Variants in SETBP1 observed in about 807,000 individuals in gnomAD.
The protein encoded by SETBP1 is SET binding protein 1.
Under a neutral mutation model 101.0 loss-of-function variants are expected in SETBP1, and 9 were observed. That is an observed-to-expected ratio of 0.09 (90% CI 0.05 to 0.16). The LOEUF is 0.16. Among genes scored for constraint, SETBP1 ranks in the 10% least tolerant of loss-of-function variants. The probability of loss-of-function intolerance (pLI) is 1.00; values close to 1 mark genes in which losing one functional copy is unlikely to be tolerated. For missense variants in SETBP1, 1,858 were observed against 2,033.8 expected (o/e 0.91, Z 1.66); for synonymous variants, 818 against 788.5 (o/e 1.04, Z -0.63).
At position 44,877,261 on chromosome 18, in the gene SETBP1, G is replaced by A. The variant is rs1021611344; in HGVS notation, c.540+7978G>A. The A allele has an allele frequency of 1.5e-5, 10 of 649,938 alleles. No homozygotes were observed. The African/African-American group carries it at 1.6e-4, about 10-fold the overall frequency. The allele number at this position is 649,938 out of a possible 1,614,324, so 40.3% of individuals were successfully genotyped here. The stretch of plus-strand genomic sequence containing the variant: ...TCCAAGCATGTGATTGTTTTCCTAC[G>A]GATTTGTCTTATAGTATTTTACCAA... On this transcript the variant is annotated intron_variant, in intron 3 of 5. Coordinates refer to ENST00000649279, the MANE Select transcript of SETBP1 (RefSeq NM_015559.3).
chr18:44,950,158 C>T lies in SETBP1; in HGVS notation c.818C>T (p.Thr273Met), dbSNP rs748537549. ...GGTAAGAAAGGCAGTGCAGGGAACA[C>T]GTGGAGTCAGTTGTCTAACAATAAC... ...AQGKKGSAGN[T>M]WSQLSNNNKD... Residue 273 changes from threonine to methionine, a missense_variant, in exon 4 of 6, where the codon ACG becomes ATG. Thr to Met is a moderately conservative substitution (Grantham distance 81). Around this residue, in one of 12 missense-constraint regions of SETBP1, gnomAD observed 581 missense variants for 535.1 expected, o/e 1.09. Coordinates refer to ENST00000649279, the MANE Select transcript of SETBP1 (RefSeq NM_015559.3). 8 of 1,613,820 alleles carry T rather than the reference C, an allele frequency of 5.0e-6. No homozygotes were observed. Among genetic ancestry groups the T allele is most frequent in the East Asian group, 2.2e-5 (1 of 44,870 alleles).
chr18:44,758,445 C>G (rs370430738), intron 2 of SETBP1, among the ~76,000 whole-genome samples: 4 of 150,568 alleles, frequency 2.7e-5, no homozygotes, highest in Non-Finnish European at 5.9e-5. Flanking sequence ...TGCAGTGGTG[C>G]GATCTCAGCT....
At chr18:44,856,257 C>G (rs1023360534) in intron 2 of SETBP1, among the ~76,000 whole-genome samples, 5 of 152,162 alleles carry the variant, frequency 3.3e-5, no homozygotes, top group South Asian at 4.1e-4. Context: ...GCCACTTCCC[C>G]AAAGTGCTCA....
intron 2 of SETBP1, among the ~76,000 whole-genome samples, chr18:44,842,227 G>A (rs2072631664): frequency 6.6e-6 from 1 of 152,222 alleles, no homozygotes. Context: ...GGCTTCCCGT[G>A]CTTGCCCCAG....
At chr18:44,984,713 T>G (rs986589822) in intron 4 of SETBP1, among the ~76,000 whole-genome samples, 4 of 152,230 alleles carry the variant, frequency 2.6e-5, no homozygotes, top group African/African-American at 9.6e-5. Flanking sequence ...TTGCCTGACA[T>G]GTAAGAGGCA....
At chr18:44,704,609 G>C (rs2069180496) in intron 2 of SETBP1, among the ~76,000 whole-genome samples, 1 of 152,146 alleles carries the variant, frequency 6.6e-6, no homozygotes, top group African/African-American at 2.4e-5. Context: ...GATCTCTATG[G>C]GATGAGAATG....
intron 3 of SETBP1, among the ~76,000 whole-genome samples, chr18:44,917,908 G>T (rs2070477874): frequency 6.6e-6 from 1 of 152,090 alleles, no homozygotes; most frequent in East Asian, 1.9e-4. Context: ...GGGAAAGGAA[G>T]CCCTGAGCAT....
At chr18:44,990,917 C>A in intron 4 of SETBP1, among the ~76,000 whole-genome samples, 1 of 116,418 alleles carries the variant, frequency 8.6e-6, no homozygotes. Context: ...TACAAACCAT[C>A]AGAGAGAGAG....
At chr18:44,763,798 G>A (rs748560324) in intron 2 of SETBP1, among the ~76,000 whole-genome samples, 7 of 152,142 alleles carry the variant, frequency 4.6e-5, no homozygotes, top group Non-Finnish European at 7.4e-5. Context: ...CTGGGACACC[G>A]CTCTTTATTC....
In SETBP1 at chr18:44,866,718, G is replaced by A. The variant is rs186230954; in HGVS notation, c.487-2512G>A. Among the ~76,000 whole-genome samples, 490 of 152,278 alleles carry A rather than the reference G, an allele frequency of 3.2e-3. 9 individuals carry two copies. The highest frequency in any genetic ancestry group is 0.03 in the Admixed American group (459 of 15,302). On this transcript the variant is annotated intron_variant, in intron 2 of 5. Coordinates refer to ENST00000649279, the MANE Select transcript of SETBP1 (RefSeq NM_015559.3). Reference sequence around the variant, plus strand: ...TCCTGCACAGGTCACTCTCATGCCCGTACCTCATCCCAGCCTTTTATTTTC... The same window carrying A: ...TCCTGCACAGGTCACTCTCATGCCCATACCTCATCCCAGCCTTTTATTTTC...
chr18:45,008,065 A>G (rs779050844), intron 4 of SETBP1, among the ~76,000 whole-genome samples: 5 of 152,202 alleles, frequency 3.3e-5, no homozygotes, highest in Non-Finnish European at 7.3e-5. Context: ...TTCCAAAGAA[A>G]TCAACAGCCC....
intron 2 of SETBP1, among the ~76,000 whole-genome samples, chr18:44,826,525 G>A (rs567567492): frequency 6.6e-6 from 1 of 152,308 alleles, no homozygotes; most frequent in African/African-American, 2.4e-5. Flanking sequence ...GAGTCCCAGG[G>A]TGAGAGAGTT....
intron 3 of SETBP1, among the ~76,000 whole-genome samples, chr18:44,896,313 A>G (rs983196123): frequency 6.6e-6 from 1 of 152,174 alleles, no homozygotes; most frequent in Non-Finnish European, 1.5e-5. Flanking sequence ...CAGCTTCTCT[A>G]TTTCTGAACA....
chr18:45,011,922 C>T lies in SETBP1; in HGVS notation c.4001-26563C>T, dbSNP rs149503865. Among the ~76,000 whole-genome samples the T allele has an allele frequency of 2.4e-3, 369 of 152,010 alleles. 1 individual carries two copies. Among genetic ancestry groups the T allele is most frequent in the Non-Finnish European group, 3.0e-3 (201 of 67,980 alleles). ...TGGTAGCTCTTATTGCTGTGGTTGT[C>T]GATGATGTTGTTAGAAACTCTAGAG... is the stretch of plus-strand genomic sequence containing the variant. On this transcript the variant is annotated intron_variant, in intron 4 of 5. Coordinates refer to ENST00000649279, the MANE Select transcript of SETBP1 (RefSeq NM_015559.3).
chr18:45,036,219 G>C (rs2073393560), intron 4 of SETBP1, among the ~76,000 whole-genome samples: 1 of 151,702 alleles, frequency 6.6e-6, no homozygotes, highest in Non-Finnish European at 1.5e-5. Context: ...TGTAGTCCCA[G>C]CTACTCGGGA....
chr18:44,927,277 C>T, intron 3 of SETBP1, among the ~76,000 whole-genome samples: 1 of 152,136 alleles, frequency 6.6e-6, no homozygotes, highest in East Asian at 1.9e-4. Context: ...CCTAATGTAG[C>T]TCTGCAGCCT....
intron 2 of SETBP1, among the ~76,000 whole-genome samples, chr18:44,780,274 C>A (rs1206220507): frequency 6.6e-6 from 1 of 152,196 alleles, no homozygotes; most frequent in Non-Finnish European, 1.5e-5. Flanking sequence ...AGGAAACATA[C>A]AGCTGGGCTT....
At chr18:44,930,769 G>A (rs1275071132) in intron 3 of SETBP1, among the ~76,000 whole-genome samples, 1 of 151,992 alleles carries the variant, frequency 6.6e-6, no homozygotes, top group Non-Finnish European at 1.5e-5. Context: ...AATTCTGTGG[G>A]ATTGGTGGTG....
At chr18:44,990,361 AG>A (rs1206368285) in intron 4 of SETBP1, among the ~76,000 whole-genome samples, 1 of 152,170 alleles carries the variant, frequency 6.6e-6, no homozygotes, top group Non-Finnish European at 1.5e-5. Context: ...TAGGATGGCA[AG>A]GTGGGAGAAT....
Sources: gnomAD v4.1 joint callset for allele counts (sites outside exome capture counted in the v4.1 genomes callset) on GRCh38, gnomAD v4.1.1 for gene constraint, gnomAD v4.1.1 regional missense constraint, MANE v1.5 for transcripts, NCBI Gene and HGNC (gene_info 2026-07-23, HGNC 2026-07-21) for gene names.